SLC4A10: variants seen among roughly 807,000 people sequenced by gnomAD.
SLC4A10 encodes solute carrier family 4 member 10.
A neutral mutation model predicts 137.7 loss-of-function variants in SLC4A10; 42 were observed. That is an observed-to-expected ratio of 0.30 (90% CI 0.24 to 0.39). The LOEUF (loss-of-function observed/expected upper bound fraction) is 0.39, where lower values mean the gene tolerates loss of function less well. Among genes scored for constraint, SLC4A10 ranks in the 10% least tolerant of loss-of-function variants. SLC4A10 has a pLI of 1.00. For synonymous variants in SLC4A10, 474 were observed against 464.1 expected (o/e 1.02, Z -0.27); for missense variants, 925 against 1,355.0 (o/e 0.68, Z 4.98).
intron 1 of SLC4A10, among the ~76,000 whole-genome samples, chr2:161,707,848 TA>T (rs2043857115): frequency 6.6e-6 from 1 of 151,546 alleles, no homozygotes; most frequent in East Asian, 1.9e-4. Flanking sequence ...CCCTGAAAAT[TA>T]AAAGGTGAAT....
rs1559643328 is a variant in SLC4A10 at position 161,965,031 on chromosome 2, TA to T, written c.3037-19del. ...TTTTAATTTTTTTTCCACTTTAAAC[TA>T]GTTTATTATTTACTTCAGGTGTTAG... is the stretch of plus-strand genomic sequence containing the variant. On this transcript the variant is annotated intron_variant, in intron 22 of 26. Transcript: ENST00000446997. 2 of 1,600,804 alleles carry T rather than the reference TA, an allele frequency of 1.2e-6. No homozygotes were observed. The highest frequency in any genetic ancestry group is 3.4e-5 in the Admixed American group (2 of 58,940).
At chr2:161,971,730 C>T (rs1483906975) in intron 23 of SLC4A10, among the ~76,000 whole-genome samples, 3 of 152,214 alleles carry the variant, frequency 2.0e-5, no homozygotes, top group Non-Finnish European at 4.4e-5. Flanking sequence ...TCCATCCCCG[C>T]GCTCCGGGGC....
Position 161,701,905 on chromosome 2 carries a change from G to A in SLC4A10, c.49-69068G>A, listed in dbSNP as rs527911403. 5.3e-5 allele frequency among the ~76,000 whole-genome samples: 8 copies of A among 151,770 alleles called. No individual in the cohort carries two copies. In the East Asian group the frequency reaches 7.7e-4, roughly 15 times the overall value. Reference sequence around the variant, plus strand: ...TATTATGAAAAAGACAAAAAATAACGGACACTGGCCAGGCTGCAGAGAAAG... The same window carrying A: ...TATTATGAAAAAGACAAAAAATAACAGACACTGGCCAGGCTGCAGAGAAAG... On this transcript the variant is annotated intron_variant, in intron 1 of 26. Transcript: ENST00000446997.
rs59833305 is a variant in SLC4A10 at position 161,836,542 on chromosome 2, A to G, written c.278-3247A>G. On this transcript the variant is annotated intron_variant, in intron 3 of 26. Coordinates refer to ENST00000446997, the MANE Select transcript of SLC4A10 (RefSeq NM_001178015.2). ...AAAGAGAGAGAGAGAGAAAGAAAGA[A>G]AGAAAGAAAGAAAGAAAGAAAGAAA... Among the ~76,000 whole-genome samples the G allele has an allele frequency of 1.0e-3, 20 of 19,410 alleles. No individual in the cohort carries two copies. In the East Asian group the frequency reaches 0.015, roughly 15 times the overall value. 12.7% of individuals were successfully genotyped at this position (19,410 alleles called of 152,430 possible).
At position 161,871,377 on chromosome 2, in the gene SLC4A10, G is replaced by A. The variant is rs183786972; in HGVS notation, c.767-916G>A. Among the ~76,000 whole-genome samples, 6 of 136,668 alleles carry A rather than the reference G, an allele frequency of 4.4e-5. No individual in the cohort carries two copies. In the Admixed American group the frequency reaches 4.7e-4, roughly 11 times the overall value. 89.7% of individuals were successfully genotyped at this position (136,668 alleles called of 152,430 possible). A position where few individuals can be genotyped will look rare whatever the true frequency, so the allele number is the denominator to read the frequency against. On this transcript the variant is annotated intron_variant, in intron 6 of 26. Coordinates refer to ENST00000446997, the MANE Select transcript of SLC4A10 (RefSeq NM_001178015.2). ...TAAATATGAGCAAGGCTTCAGAGTT[G>A]AGTTGTCTTTATTCATTTCACAGAA...
intron 3 of SLC4A10, among the ~76,000 whole-genome samples, chr2:161,811,690 A>G (rs1363301893): frequency 6.6e-6 from 1 of 152,070 alleles, no homozygotes; most frequent in Non-Finnish European, 1.5e-5. Context: ...GAGGGAAAAT[A>G]TATCATCAGA....
chr2:161,790,100 A>C (rs1342025224), intron 2 of SLC4A10, among the ~76,000 whole-genome samples: 1 of 152,226 alleles, frequency 6.6e-6, no homozygotes, highest in East Asian at 1.9e-4. Context: ...GTACATATTT[A>C]TTGACTTTTT....
intron 1 of SLC4A10, among the ~76,000 whole-genome samples, chr2:161,756,741 T>G (rs2049693437): frequency 6.6e-6 from 1 of 152,000 alleles, no homozygotes; most frequent in Admixed American, 6.6e-5. Context: ...CTTCCTACAG[T>G]CCAGGAAGAG....
At chr2:161,660,851 C>T (rs1384554902) in intron 1 of SLC4A10, among the ~76,000 whole-genome samples, 2 of 150,456 alleles carry the variant, frequency 1.3e-5, no homozygotes, top group Non-Finnish European at 3.0e-5. Flanking sequence ...TTAGTAGGGA[C>T]GGGTTTCACC....
intron 2 of SLC4A10, among the ~76,000 whole-genome samples, chr2:161,793,973 A>G (rs567443847): frequency 6.6e-6 from 1 of 152,158 alleles, no homozygotes; most frequent in Non-Finnish European, 1.5e-5. Context: ...TTATGACATC[A>G]CAGTGATTAA....
intron 1 of SLC4A10, among the ~76,000 whole-genome samples, chr2:161,713,343 C>T (rs1464719807): frequency 6.6e-6 from 1 of 151,764 alleles, no homozygotes; most frequent in Non-Finnish European, 1.5e-5. Flanking sequence ...AGCTCTAACC[C>T]TCTTGAGACT....
chr2:161,891,237 T>A (rs1044862018), intron 10 of SLC4A10, among the ~76,000 whole-genome samples: 5 of 152,182 alleles, frequency 3.3e-5, no homozygotes, highest in Non-Finnish European at 7.3e-5. Context: ...ATTTTTCCCT[T>A]CATTTCAACC....
intron 2 of SLC4A10, among the ~76,000 whole-genome samples, chr2:161,772,940 A>T (rs997680853): frequency 6.6e-6 from 1 of 151,836 alleles, no homozygotes; most frequent in Non-Finnish European, 1.5e-5. Flanking sequence ...TGGGTATTGT[A>T]GTTCAGCAAG....
At chr2:161,864,413 A>T (rs1575347853) in intron 6 of SLC4A10, among the ~76,000 whole-genome samples, 2 of 152,122 alleles carry the variant, frequency 1.3e-5, no homozygotes, top group Non-Finnish European at 2.9e-5. Flanking sequence ...CTTCATATTA[A>T]TCAGTTTTCA....
chr2:161,882,422 T>C lies in SLC4A10; in HGVS notation c.1172T>C (p.Ile391Thr), dbSNP rs777818237. 1.2e-6 allele frequency: 2 copies of C among 1,600,652 alleles called. No individual in the cohort carries two copies. The highest frequency in any genetic ancestry group is 1.1e-5 in the South Asian group (1 of 88,340). The change falls in exon 10 of 27, where the codon ATT becomes ACT. Residue 391 changes from isoleucine to threonine, a missense_variant. Coordinates refer to ENST00000446997, the MANE Select transcript of SLC4A10 (RefSeq NM_001178015.2). ...CAGTACCATGAGATTGGCAGATCAA[T>C]TGCAACCCTAATGACAGATGAGGTA... Reference protein sequence around the residue: ...GQQYHEIGRSIATLMTDEVFH... With the variant: ...GQQYHEIGRSTATLMTDEVFH...
chr2:161,716,362 T>C (rs1223954275), intron 1 of SLC4A10, among the ~76,000 whole-genome samples: 7 of 152,174 alleles, frequency 4.6e-5, no homozygotes, highest in African/African-American at 1.7e-4. Context: ...TTTTTGCTTT[T>C]GTTGCAATTG....
chr2:161,626,870 C>T (rs1328685547), intron 1 of SLC4A10, among the ~76,000 whole-genome samples: 9 of 152,060 alleles, frequency 5.9e-5, no homozygotes, highest in Admixed American at 2.0e-4. Flanking sequence ...GAAGTTTTTA[C>T]GCTTGGAAGA....
chr2:161,835,387 A>G (rs1186752488), intron 3 of SLC4A10, among the ~76,000 whole-genome samples: 4 of 152,080 alleles, frequency 2.6e-5, no homozygotes, highest in African/African-American at 9.7e-5. Flanking sequence ...CTCCCTATCC[A>G]AAATATAGTG....
At chr2:161,908,292 G>A (rs1032006928) in intron 15 of SLC4A10, among the ~76,000 whole-genome samples, 14 of 151,946 alleles carry the variant, frequency 9.2e-5, no homozygotes, top group African/African-American at 3.1e-4. Flanking sequence ...TTTGAAAAGA[G>A]ATACCTGGTA....
Sources: gnomAD v4.1 joint callset for allele counts (sites outside exome capture counted in the v4.1 genomes callset) on GRCh38, gnomAD v4.1.1 for gene constraint, MANE v1.5 for transcripts, NCBI Gene and HGNC (gene_info 2026-07-23, HGNC 2026-07-21) for gene names.